Variants in DNAH11 observed in about 807,000 individuals in gnomAD.
DNAH11 encodes axonemal beta dynein heavy chain 11.
A neutral mutation model predicts 526.0 loss-of-function variants in DNAH11; 442 were observed. The observed-to-expected ratio is 0.84, with a 90% CI of 0.78 to 0.91. The LOEUF (loss-of-function observed/expected upper bound fraction) is 0.91, where lower values mean the gene tolerates loss of function less well. Ranked by LOEUF, DNAH11 falls within the 40% of genes least tolerant of loss-of-function variation. The pLI is 0.00. For synonymous variants in DNAH11, 2,461 were observed against 1,935.9 expected (o/e 1.27, Z -7.12); for missense variants, 6,989 against 5,448.7 (o/e 1.28, Z -8.90).
chr7:21,636,998 G>A (rs538809174), intron 26 of DNAH11, among the ~76,000 whole-genome samples: 2 of 152,214 alleles, frequency 1.3e-5, no homozygotes, highest in Admixed American at 6.5e-5. Flanking sequence ...TTCTAGCAAA[G>A]GAGAGTGACT....
In DNAH11 at chr7:21,735,687, G is replaced by A. The variant is rs1319917423; in HGVS notation, c.7488G>A (p.Met2496Ile). The change falls in exon 46 of 82, where the codon ATG becomes ATA. Residue 2496 changes from methionine (M) to isoleucine (I), a missense_variant. Coordinates refer to ENST00000409508, the MANE Select transcript of DNAH11 (RefSeq NM_001277115.2). ...TTETARLRYF[M>I]ELLLEKGKPL... ...AGACAGCTCGTCTTAGATATTTCAT[G>A]GAGTTGTTGCTTGAGAAAGGAAAAC... is the stretch of plus-strand genomic sequence containing the variant. The A allele has an allele frequency of 1.9e-6, 3 of 1,612,226 alleles. No homozygotes were observed. The South Asian group carries it at 3.3e-5, about 18-fold the overall frequency.
chr7:21,784,469 T>C lies in DNAH11; in HGVS notation c.9526T>C (p.Cys3176Arg). 1.2e-6 allele frequency: 2 copies of C among 1,613,602 alleles called. No homozygotes were observed. The highest frequency in any genetic ancestry group is 1.7e-6 in the Non-Finnish European group (2 of 1,179,704). Reference protein sequence around the residue: ...QTEVFQKQRECEADLLKAEPA... With the variant: ...QTEVFQKQREREADLLKAEPA... ...TGAAGTGTTCCAGAAACAGAGAGAATGTGAAGCTGACTTACTCAAGGCTGA... is the reference window on the plus strand; with the variant it reads ...TGAAGTGTTCCAGAAACAGAGAGAACGTGAAGCTGACTTACTCAAGGCTGA... The change falls in exon 58 of 82, where the codon TGT becomes CGT. Residue 3176 changes from cysteine (C) to arginine (R), a missense_variant. By Grantham distance (180) the Cys-to-Arg change is radical. Transcript: ENST00000409508.
intron 44 of DNAH11, among the ~76,000 whole-genome samples, chr7:21,721,827 C>G (rs1171632438): frequency 6.6e-6 from 1 of 152,110 alleles, no homozygotes; most frequent in Admixed American, 6.5e-5. Flanking sequence ...AAATTGGTCT[C>G]CCTCTCTCCA....
At chr7:21,583,548 A>G (rs892064664) in intron 9 of DNAH11, among the ~76,000 whole-genome samples, 1 of 152,238 alleles carries the variant, frequency 6.6e-6, no homozygotes, top group African/African-American at 2.4e-5. Flanking sequence ...CTAAAACACC[A>G]AAAGGAATTG....
chr7:21,796,379 T>G (rs890954158), intron 61 of DNAH11, among the ~76,000 whole-genome samples: 1 of 152,130 alleles, frequency 6.6e-6, no homozygotes, highest in Non-Finnish European at 1.5e-5. Context: ...CACATTTGCC[T>G]TTTGGAAAGA....
chr7:21,728,647 C>A lies in DNAH11; in HGVS notation c.7440+2663C>A, dbSNP rs531169743. 2.0e-5 allele frequency among the ~76,000 whole-genome samples: 3 copies of A among 152,334 alleles called. No individual in the cohort carries two copies. In the East Asian group the frequency reaches 5.8e-4, roughly 29 times the overall value. On this transcript the variant is annotated intron_variant, in intron 45 of 81. Coordinates refer to ENST00000409508, the MANE Select transcript of DNAH11 (RefSeq NM_001277115.2). ...ATATCATCTACATGATACATTTCAT[C>A]TATCAGTTCATTTCATGAATTGAGG...
intron 38 of DNAH11, 52 bp downstream of exon 38, chr7:21,704,680 T>C (rs1485927675): frequency 9.7e-6 from 15 of 1,550,934 alleles, no homozygotes; most frequent in Non-Finnish European, 1.3e-5. Context: ...TCAGTGGAAA[T>C]AATTGTGGCT....
chr7:21,801,846 G>A (rs1789009227), intron 62 of DNAH11, among the ~76,000 whole-genome samples: 2 of 152,172 alleles, frequency 1.3e-5, no homozygotes, highest in South Asian at 4.1e-4. Flanking sequence ...TTTTATGGGT[G>A]ACTGACATGC....
Position 21,866,500 on chromosome 7 carries a change from A to T in DNAH11, c.11527A>T (p.Ile3843Leu). ...AIAVMEEFRG[I>L]DRDVEGSAKQ... ...TGCCGTCATGGAAGAATTTCGAGGC[A>T]TAGACCGAGATGTGGAAGGATCTGC... is the stretch of plus-strand genomic sequence containing the variant. The change falls in exon 71 of 82, where the codon ATA becomes TTA. Residue 3843 changes from isoleucine to leucine, a missense_variant. Coordinates refer to ENST00000409508, the MANE Select transcript of DNAH11 (RefSeq NM_001277115.2). 6.2e-7 allele frequency: 1 copy of T among 1,613,000 alleles called. No homozygotes were observed. Among genetic ancestry groups the T allele is most frequent in the Non-Finnish European group, 8.5e-7 (1 of 1,179,628 alleles).
chr7:21,623,450 G>C (rs905891095), intron 25 of DNAH11, among the ~76,000 whole-genome samples: 17 of 152,238 alleles, frequency 1.1e-4, no homozygotes, highest in East Asian at 9.7e-4. Flanking sequence ...TTTGACCCAG[G>C]CATCCCATTA....
intron 46 of DNAH11, among the ~76,000 whole-genome samples, chr7:21,738,032 C>T (rs1785693199): frequency 1.3e-5 from 2 of 152,120 alleles, no homozygotes; most frequent in South Asian, 2.1e-4. Context: ...ATGAATATGA[C>T]ATAGTTCCTT....
intron 61 of DNAH11, among the ~76,000 whole-genome samples, chr7:21,793,855 G>C (rs1235026288): frequency 6.6e-6 from 1 of 152,118 alleles, no homozygotes; most frequent in East Asian, 1.9e-4. Flanking sequence ...CTTTGAACAA[G>C]CTTTCTACAT....
intron 62 of DNAH11, among the ~76,000 whole-genome samples, chr7:21,804,227 G>C (rs6977869): frequency 4.7e-4 from 72 of 152,198 alleles, no homozygotes; most frequent in African/African-American, 1.7e-3. Context: ...TCCTGCCTCA[G>C]CCTCCCGAGT....
At chr7:21,844,941 A>T (rs1249237635) in intron 66 of DNAH11, among the ~76,000 whole-genome samples, 2 of 152,202 alleles carry the variant, frequency 1.3e-5, no homozygotes, top group African/African-American at 4.8e-5. Context: ...ACATGCCAGG[A>T]GTGAGTCATC....
chr7:21,656,853 C>T (rs1782034258), intron 29 of DNAH11, among the ~76,000 whole-genome samples: 1 of 152,092 alleles, frequency 6.6e-6, no homozygotes, highest in Non-Finnish European at 1.5e-5. Context: ...TGGTGGAATA[C>T]TTTGATTAAA....
chr7:21,744,081 T>TAA (rs77180960), intron 49 of DNAH11, among the ~76,000 whole-genome samples: 1 of 151,930 alleles, frequency 6.6e-6, no homozygotes, highest in African/African-American at 2.4e-5. Flanking sequence ...GATTTTATAG[T>TAA]AAAAAAAATA....
chr7:21,712,078 TC>T (rs763986169), intron 42 of DNAH11, among the ~76,000 whole-genome samples: 2 of 152,190 alleles, frequency 1.3e-5, no homozygotes, highest in Admixed American at 6.5e-5. Flanking sequence ...CATTCTACTT[TC>T]TATCTCTATG....
At chr7:21,692,496 C>A (rs1783675898) in intron 35 of DNAH11, among the ~76,000 whole-genome samples, 1 of 152,172 alleles carries the variant, frequency 6.6e-6, no homozygotes, top group Non-Finnish European at 1.5e-5. Context: ...TTGAGCGTAT[C>A]AGTAGTTTGC....
intron 54 of DNAH11, 147 bp downstream of exon 54, chr7:21,750,511 G>A (rs1018518972): frequency 1.6e-5 from 18 of 1,099,110 alleles, no homozygotes; most frequent in Non-Finnish European, 2.1e-5. Context: ...TATCTGGAGC[G>A]TACCTTCCTA....
Sources: gnomAD v4.1 joint callset for allele counts (sites outside exome capture counted in the v4.1 genomes callset) on GRCh38, gnomAD v4.1.1 for gene constraint, MANE v1.5 for transcripts, NCBI Gene and HGNC (gene_info 2026-07-23, HGNC 2026-07-21) for gene names.